Variants in RHEB observed in about 807,000 individuals in gnomAD.
RHEB encodes GTP-binding protein Rheb.
A neutral mutation model predicts 28.8 loss-of-function variants in RHEB; 2 were observed. The observed-to-expected ratio is 0.07, with a 90% CI of 0.03 to 0.22. The LOEUF (loss-of-function observed/expected upper bound fraction) is 0.22. Among genes scored for constraint, RHEB ranks in the 10% least tolerant of loss-of-function variants. RHEB has a pLI of 1.00. For missense variants in RHEB, 76 were observed against 219.9 expected, an observed-to-expected ratio of 0.35 and a Z score of 4.14; for synonymous variants, 69 against 77.3, an observed-to-expected ratio of 0.89 and a Z score of 0.56.
chr7:151,493,730 A>C (rs567397293), intron 1 of RHEB, among the ~76,000 whole-genome samples: 1 of 152,376 alleles, frequency 6.6e-6, no homozygotes, highest in African/African-American at 2.4e-5. Context: ...ATAGTTTAAG[A>C]ATTCCACAAA....
intron 1 of RHEB, among the ~76,000 whole-genome samples, chr7:151,504,196 A>G (rs1343003407): frequency 3.3e-5 from 5 of 152,178 alleles, no homozygotes; most frequent in Admixed American, 6.5e-5. Context: ...AGCCCTTTGT[A>G]TCAACGTTCT....
chr7:151,509,061 G>A (rs1020597414), intron 1 of RHEB, among the ~76,000 whole-genome samples: 19 of 152,166 alleles, frequency 1.2e-4, no homozygotes, highest in African/African-American at 3.4e-4. Flanking sequence ...AAGATCTAGA[G>A]AAAGAGTCCA....
At chr7:151,513,712 T>A (rs900547786) in intron 1 of RHEB, among the ~76,000 whole-genome samples, 1 of 152,210 alleles carries the variant, frequency 6.6e-6, no homozygotes, top group Non-Finnish European at 1.5e-5. Context: ...CTTATGAAGT[T>A]TCGGTATCAA....
At chr7:151,498,708 G>A (rs765980783) in intron 1 of RHEB, among the ~76,000 whole-genome samples, 8 of 152,184 alleles carry the variant, frequency 5.3e-5, no homozygotes, top group Non-Finnish European at 1.0e-4. Flanking sequence ...CATTCCCGCA[G>A]AACAGCTATT....
chr7:151,507,497 G>C (rs1485057090), intron 1 of RHEB, among the ~76,000 whole-genome samples: 1 of 152,162 alleles, frequency 6.6e-6, no homozygotes, highest in Non-Finnish European at 1.5e-5. Context: ...AGTCAGATGA[G>C]AGTGTGTGAT....
intron 1 of RHEB, among the ~76,000 whole-genome samples, chr7:151,497,537 A>G (rs1802695118): frequency 6.6e-6 from 1 of 152,168 alleles, no homozygotes; most frequent in Non-Finnish European, 1.5e-5. Flanking sequence ...GACACCTACT[A>G]TGGGCCAGGC....
intron 2 of RHEB, among the ~76,000 whole-genome samples, chr7:151,487,223 C>T (rs957081712): frequency 6.6e-6 from 1 of 152,168 alleles, no homozygotes; most frequent in Non-Finnish European, 1.5e-5. Context: ...TCATTTTAAG[C>T]CCAGGTATTC....
intron 4 of RHEB, among the ~76,000 whole-genome samples, chr7:151,474,693 G>A (rs1054659540): frequency 5.3e-5 from 8 of 151,946 alleles, no homozygotes; most frequent in Admixed American, 1.3e-4. Context: ...ATGTATTTTC[G>A]CTTTATTTAC....
intron 3 of RHEB, among the ~76,000 whole-genome samples, chr7:151,477,924 G>A (rs1187720271): frequency 6.6e-6 from 1 of 152,136 alleles, no homozygotes; most frequent in Non-Finnish European, 1.5e-5. Flanking sequence ...GAGAGGGAGA[G>A]AGGGAGGGAG....
chr7:151,509,768 G>A (rs1472233083), intron 1 of RHEB, among the ~76,000 whole-genome samples: 1 of 152,176 alleles, frequency 6.6e-6, no homozygotes, highest in Non-Finnish European at 1.5e-5. Flanking sequence ...AAAAGAAACA[G>A]TATTTCATGA....
chr7:151,517,741 G>GA (rs1311479948), intron 1 of RHEB: 1 of 149,120 alleles, frequency 6.7e-6, no homozygotes, highest in East Asian at 2.0e-4. Context: ...CCAAAGACTA[G>GA]AGCTACCATT....
intron 5 of RHEB, 47 bp downstream of exon 5, chr7:151,471,502 T>C: frequency 1.3e-6 from 2 of 1,548,054 alleles, no homozygotes; most frequent in East Asian, 2.2e-5. Context: ...CAGAAGATAC[T>C]ATTAAAAGAA....
chr7:151,505,615 C>T (rs1802858566), intron 1 of RHEB, among the ~76,000 whole-genome samples: 1 of 152,150 alleles, frequency 6.6e-6, no homozygotes, highest in African/African-American at 2.4e-5. Context: ...AAAGTATACA[C>T]TTAACATATA....
At chr7:151,495,751 G>A (rs961696248) in intron 1 of RHEB, among the ~76,000 whole-genome samples, 3 of 152,148 alleles carry the variant, frequency 2.0e-5, no homozygotes. Flanking sequence ...AGGAGTTTGA[G>A]ACCAGCCTGG....
intron 1 of RHEB, among the ~76,000 whole-genome samples, chr7:151,514,268 T>C (rs1803038436): frequency 6.6e-6 from 1 of 152,070 alleles, no homozygotes; most frequent in Admixed American, 6.6e-5. Context: ...CAGGATAAAA[T>C]ATCTAGAAGA....
At chr7:151,486,917 G>C (rs1207352660) in intron 2 of RHEB, among the ~76,000 whole-genome samples, 2 of 152,186 alleles carry the variant, frequency 1.3e-5, no homozygotes, top group Non-Finnish European at 2.9e-5. Context: ...GAAAGACTAG[G>C]GGAAGAATAC....
intron 1 of RHEB, among the ~76,000 whole-genome samples, chr7:151,500,179 A>G (rs979064285): frequency 6.6e-6 from 1 of 152,250 alleles, no homozygotes; most frequent in Non-Finnish European, 1.5e-5. Context: ...GAAGAGTGAC[A>G]TGAGAAGATG....
chr7:151,484,991 A>G (rs1802443338), intron 2 of RHEB, among the ~76,000 whole-genome samples, 187 bp from the exon 3 acceptor site: 1 of 152,200 alleles, frequency 6.6e-6, no homozygotes, highest in African/African-American at 2.4e-5. Flanking sequence ...TAGCTAGGAA[A>G]TACGGTGACT....
intron 6 of RHEB, 62 bp downstream of exon 6, chr7:151,471,329 CAAT>C (rs35526149): frequency 0.47 from 495,986 of 1,061,826 alleles, 121,356 homozygotes; most frequent in South Asian, 0.58. Context: ...GACATCAGAA[CAAT>C]AATTAAAATG....
Sources: allele counts gnomAD v4.1 joint callset (sites outside exome capture counted in the v4.1 genomes callset), GRCh38; gene constraint gnomAD v4.1.1; transcripts MANE v1.5; gene names NCBI Gene and HGNC (gene_info 2026-07-23, HGNC 2026-07-21).